Variants in CYB5R4 observed in about 807,000 individuals in gnomAD.
CYB5R4 encodes cytochrome b5 reductase 4, also known as N-terminal cytochrome b5 and cytochrome b5 oxidoreductase domain-containing protein.
Under a neutral mutation model 70.2 loss-of-function variants are expected in CYB5R4, and 55 were observed. That is an observed-to-expected ratio of 0.78 (90% CI 0.63 to 0.98). The LOEUF (loss-of-function observed/expected upper bound fraction) is 0.98, where lower values mean the gene tolerates loss of function less well. Ranked by LOEUF, CYB5R4 falls within the 50% of genes least tolerant of loss-of-function variation. The probability of loss-of-function intolerance (pLI) is 0.00; values close to 1 mark genes in which losing one functional copy is unlikely to be tolerated. For synonymous variants in CYB5R4, 197 were observed against 199.5 expected, an observed-to-expected ratio of 0.99 and a Z score of 0.11; for missense variants, 562 against 612.6, an observed-to-expected ratio of 0.92 and a Z score of 0.87.
intron 10 of CYB5R4, among the ~76,000 whole-genome samples, chr6:83,929,148 A>G (rs2099467776): frequency 6.6e-6 from 1 of 152,094 alleles, no homozygotes; most frequent in African/African-American, 2.4e-5. Flanking sequence ...CTCCTCCTTA[A>G]CTCATGACAA....
chr6:83,867,508 G>A (rs945964382), intron 2 of CYB5R4, among the ~76,000 whole-genome samples: 1 of 152,182 alleles, frequency 6.6e-6, no homozygotes, highest in Non-Finnish European at 1.5e-5. Context: ...TAATCTGGTG[G>A]TAGGTGTGGT....
At chr6:83,901,431 A>T (rs924611331) in intron 3 of CYB5R4, among the ~76,000 whole-genome samples, 1 of 151,994 alleles carries the variant, frequency 6.6e-6, no homozygotes, top group Non-Finnish European at 1.5e-5. Flanking sequence ...TCTGACAATT[A>T]TGTGTCTTGG....
chr6:83,893,446 T>C (rs959583345), intron 2 of CYB5R4, 76 bp from the exon 3 acceptor site: 5 of 824,802 alleles, frequency 6.1e-6, no homozygotes. Flanking sequence ...GAAAGATTTA[T>C]TGAAACTTAT....
chr6:83,876,493 C>A (rs1588560841), intron 2 of CYB5R4, among the ~76,000 whole-genome samples: 1 of 81,372 alleles, frequency 1.2e-5, no homozygotes, highest in Non-Finnish European at 2.8e-5. Flanking sequence ...TTTTATACTT[C>A]TTTGCTTTTT....
chr6:83,937,101 T>A (rs1461804752), intron 12 of CYB5R4, among the ~76,000 whole-genome samples: 3 of 151,850 alleles, frequency 2.0e-5, no homozygotes, highest in Non-Finnish European at 2.9e-5. Flanking sequence ...ATGGGGAAAC[T>A]CTGTTTCTAC....
chr6:83,957,605 A>G (rs1036969977), intron 15 of CYB5R4, among the ~76,000 whole-genome samples: 5 of 143,538 alleles, frequency 3.5e-5, no homozygotes, highest in Non-Finnish European at 6.0e-5. Flanking sequence ...CTGGGCAACA[A>G]GAGCGAAACT....
intron 12 of CYB5R4, among the ~76,000 whole-genome samples, chr6:83,936,935 G>C (rs2099469006): frequency 6.6e-6 from 1 of 152,186 alleles, no homozygotes; most frequent in East Asian, 1.9e-4. Flanking sequence ...CCACACCCAA[G>C]ATGCCCATCA....
chr6:83,959,155 G>T (rs1490870250), intron 15 of CYB5R4, among the ~76,000 whole-genome samples: 2 of 152,126 alleles, frequency 1.3e-5, no homozygotes, highest in Non-Finnish European at 2.9e-5. Context: ...AATGAATAAA[G>T]AATGATAGAA....
At chr6:83,937,750 C>G (rs1287331780) in intron 12 of CYB5R4, among the ~76,000 whole-genome samples, 1 of 152,210 alleles carries the variant, frequency 6.6e-6, no homozygotes, top group Non-Finnish European at 1.5e-5. Flanking sequence ...AACTCCTAAC[C>G]TTAGATGATT....
chr6:83,910,222 A>C (rs2099464459), intron 4 of CYB5R4: 11 of 1,300,332 alleles, frequency 8.5e-6, no homozygotes, highest in Non-Finnish European at 1.2e-5. Context: ...TGGAAGTTCA[A>C]CTTTTGTAAA....
intron 14 of CYB5R4, among the ~76,000 whole-genome samples, chr6:83,943,835 G>A (rs564777002): frequency 1.3e-5 from 2 of 151,906 alleles, no homozygotes; most frequent in East Asian, 2.0e-4. Flanking sequence ...TAGCCAAATC[G>A]ATCAAGCGGA....
Position 83,863,716 on chromosome 6 carries a change from A to G in CYB5R4, c.76-459A>G, listed in dbSNP as rs894986625. Among the ~76,000 whole-genome samples, 2 of 152,362 alleles carry G rather than the reference A, an allele frequency of 1.3e-5. 1 individual carries two copies. The highest frequency in any genetic ancestry group is 6.8e-3 in the Middle Eastern group (2 of 294). On this transcript the variant is annotated intron_variant, in intron 1 of 15. Coordinates refer to ENST00000369681, the MANE Select transcript of CYB5R4 (RefSeq NM_016230.4). The stretch of plus-strand genomic sequence containing the variant: ...AGATCAAAAATATTTGGGGAAAAAA[A>G]TTAAAAATAACAATACAACAATAAA...
At position 83,884,370 on chromosome 6, in the gene CYB5R4, A is replaced by G. The variant is rs554408855; in HGVS notation, c.230-9152A>G. ...GTATGCTATCCAGCTAGTAAATTTT[A>G]TTATTGGTTGGACTATATTAGTATC... is the stretch of plus-strand genomic sequence containing the variant. On this transcript the variant is annotated intron_variant, in intron 2 of 15. Coordinates refer to ENST00000369681, the MANE Select transcript of CYB5R4 (RefSeq NM_016230.4). Among the ~76,000 whole-genome samples the G allele has an allele frequency of 4.7e-4, 71 of 152,172 alleles. 1 individual carries two copies. In the South Asian group the frequency reaches 0.014, roughly 31 times the overall value.
Position 83,877,018 on chromosome 6 carries a change from AGAT to A in CYB5R4, c.229+12692_229+12694del, listed in dbSNP as rs200578067. Among the ~76,000 whole-genome samples the A allele has an allele frequency of 5.9e-4, 90 of 152,180 alleles. 1 individual carries two copies. The East Asian group carries it at 0.016, about 28-fold the overall frequency. ...GGCTAATTTTTTATATTTTTAGTAG[AGAT>A]GGGTTTCACCACATTAGCCAGGATG... On this transcript the variant is annotated intron_variant, in intron 2 of 15. Transcript: ENST00000369681.
At chr6:83,876,379 T>C (rs1484921779) in intron 2 of CYB5R4, among the ~76,000 whole-genome samples, 1 of 152,182 alleles carries the variant, frequency 6.6e-6, no homozygotes, top group Non-Finnish European at 1.5e-5. Context: ...AAGTTGCAAG[T>C]GTGATGCAGT....
At chr6:83,879,168 C>T (rs1039688801) in intron 2 of CYB5R4, among the ~76,000 whole-genome samples, 31 of 151,868 alleles carry the variant, frequency 2.0e-4, no homozygotes, top group Admixed American at 1.6e-3. Context: ...ACTCCTGCAT[C>T]GTACTCAATG....
At chr6:83,881,666 G>T (rs2099459468) in intron 2 of CYB5R4, among the ~76,000 whole-genome samples, 1 of 152,112 alleles carries the variant, frequency 6.6e-6, no homozygotes, top group African/African-American at 2.4e-5. Flanking sequence ...TTACTCATCT[G>T]TTTGGTTTTC....
chr6:83,924,566 A>G lies in CYB5R4; in HGVS notation c.788A>G (p.Asn263Ser), dbSNP rs1159921204. 1 of 1,613,570 alleles carries G rather than the reference A, an allele frequency of 6.2e-7. No individual in the cohort carries two copies. Among genetic ancestry groups the G allele is most frequent in the Non-Finnish European group, 8.5e-7 (1 of 1,179,696 alleles). Residue 263 changes from asparagine (N) to serine (S), a missense_variant, in exon 10 of 16, where the codon AAT becomes AGT. Asn to Ser is a conservative substitution (Grantham distance 46). Coordinates refer to ENST00000369681, the MANE Select transcript of CYB5R4 (RefSeq NM_016230.4). ...DFLGHPLKNH[N>S]SLIPRKDTGL... ...CTTGGCCATCCCCTGAAGAATCATA[A>G]TTCACTTATTCCAAGGAAAGATACA... is the stretch of plus-strand genomic sequence containing the variant.
At chr6:83,899,089 T>C (rs1343890075) in intron 3 of CYB5R4, among the ~76,000 whole-genome samples, 4 of 152,196 alleles carry the variant, frequency 2.6e-5, no homozygotes, top group African/African-American at 7.2e-5. Flanking sequence ...CAGTATGATA[T>C]TGGCTGTGGG....
Sources: gnomAD v4.1 joint callset for allele counts (sites outside exome capture counted in the v4.1 genomes callset) on GRCh38, gnomAD v4.1.1 for gene constraint, MANE v1.5 for transcripts, NCBI Gene and HGNC (gene_info 2026-07-23, HGNC 2026-07-21) for gene names.